Variants in ZSCAN5A observed in about 807,000 individuals in gnomAD.
ZSCAN5A encodes the protein zinc finger and SCAN domain-containing protein 5A.
A neutral mutation model predicts 23.7 loss-of-function variants in ZSCAN5A; 12 were observed. The observed-to-expected ratio is 0.51, with a 90% confidence interval of 0.32 to 0.82. The LOEUF (loss-of-function observed/expected upper bound fraction) is 0.82, where lower values mean the gene tolerates loss of function less well. ZSCAN5A is among the 40% of genes least tolerant of loss of function. The pLI is 0.03. For synonymous variants in ZSCAN5A, 257 were observed against 239.9 expected (o/e 1.07, Z -0.66); for missense variants, 597 against 617.9 (o/e 0.97, Z 0.36).
chr19:56,278,911 G>C (rs914466741), intron 2 of ZSCAN5A, among the ~76,000 whole-genome samples: 2 of 152,106 alleles, frequency 1.3e-5, no homozygotes, highest in African/African-American at 4.8e-5. Flanking sequence ...GCTTCAGCTG[G>C]GCCTCCATCC....
At chr19:56,275,826 A>G (rs1257188359) in intron 2 of ZSCAN5A, among the ~76,000 whole-genome samples, 1 of 152,238 alleles carries the variant, frequency 6.6e-6, no homozygotes, top group Admixed American at 6.5e-5. Context: ...TGCGTCTCCA[A>G]CACCAAACAT....
chr19:56,314,722 G>A lies in ZSCAN5A; in HGVS notation c.-271C>T, dbSNP rs1428123781. 6.6e-6 allele frequency: 1 copy of A among 152,308 alleles called. No homozygotes were observed. Among genetic ancestry groups the A allele is most frequent in the Non-Finnish European group, 1.5e-5 (1 of 68,070 alleles). 9.4% of individuals were successfully genotyped at this position (152,308 alleles called of 1,614,324 possible). A position where few individuals can be genotyped will look rare whatever the true frequency, so the allele number is the denominator to read the frequency against. On this transcript the variant is annotated 5_prime_UTR_variant, in exon 1 of 6. Coordinates refer to ENST00000683990, the MANE Select transcript of ZSCAN5A (RefSeq NM_001322064.3). ...CACTCAGAAACGTCTACTAGTGACG[G>A]TCAAGCCACCTACAACCGGTCCCAA...
In ZSCAN5A at chr19:56,303,512, A is replaced by AGGAG. The variant is rs776776713; in HGVS notation, c.-128+9767_-128+9770dup. ...AAAAAAAAAGAAGGAAAGGAAGGAA[A>AGGAG]GGAGGGAGGGAGGGAGGGAGGCAAG... is the stretch of plus-strand genomic sequence containing the variant. On this transcript the variant is annotated intron_variant, in intron 2 of 5. Coordinates refer to ENST00000683990, the MANE Select transcript of ZSCAN5A (RefSeq NM_001322064.3). 9.2e-4 allele frequency among the ~76,000 whole-genome samples: 122 copies of AGGAG among 133,046 alleles called. 1 individual carries two copies. The highest frequency in any genetic ancestry group is 1.5e-3 in the Admixed American group (20 of 13,186). 87.3% of individuals were successfully genotyped at this position (133,046 alleles called of 152,430 possible). A position where few individuals can be genotyped will look rare whatever the true frequency, so the allele number is the denominator to read the frequency against.
intron 2 of ZSCAN5A, chr19:56,243,929 C>T (rs1251372618): frequency 3.6e-6 from 2 of 555,620 alleles, no homozygotes; most frequent in Non-Finnish European, 6.4e-6. Flanking sequence ...GACTTCTGAA[C>T]AGTGAATCTA....
intron 2 of ZSCAN5A, among the ~76,000 whole-genome samples, chr19:56,345,403 CCTT>C (rs958449443): frequency 6.6e-6 from 1 of 152,136 alleles, no homozygotes; most frequent in Non-Finnish European, 1.5e-5. Flanking sequence ...TTCACAAAAA[CCTT>C]CTTTTTTGCT....
intron 2 of ZSCAN5A, among the ~76,000 whole-genome samples, chr19:56,227,406 G>A (rs943080663): frequency 4.1e-4 from 63 of 152,342 alleles, no homozygotes; most frequent in African/African-American, 1.5e-3. Context: ...GCCAGAGGGC[G>A]CCTGCTGCTG....
chr19:56,312,595 G>A (rs1224896826), intron 2 of ZSCAN5A: 1 of 152,230 alleles, frequency 6.6e-6, no homozygotes, highest in African/African-American at 2.4e-5. Flanking sequence ...GGGGAAATGT[G>A]AATAAAGTCT....
At chr19:56,282,116 G>T (rs928234629) in intron 2 of ZSCAN5A, among the ~76,000 whole-genome samples, 1 of 152,174 alleles carries the variant, frequency 6.6e-6, no homozygotes. Context: ...ATGGTACAGG[G>T]TGGGTAAGAC....
rs1272886836 is a variant in ZSCAN5A, at chr19:56,223,512, C to T, written c.588+119G>A. 7 of 1,033,150 alleles carry T rather than the reference C, an allele frequency of 6.8e-6. No individual in the cohort carries two copies. The African/African-American group carries it at 9.7e-5, about 14-fold the overall frequency. The allele number at this position is 1,033,150 out of a possible 1,614,324, so 64.0% of individuals were successfully genotyped here. ...TGAATGTTTGGGGATGTATCATGTC[C>T]ATGGGGAATGGCTCTAATCTTGTCC... On this transcript the variant is annotated intron_variant, in intron 4 of 5. Coordinates refer to ENST00000683990, the MANE Select transcript of ZSCAN5A (RefSeq NM_001322064.3).
rs61646242 is a variant in ZSCAN5A, at chr19:56,328,994, CA to C, written c.-357-12727del. The stretch of plus-strand genomic sequence containing the variant: ...TGGGCGACAGAGCGAGACTCCGTCT[CA>C]AAAAAAAAAAAAAATAAATAAATAA... On this transcript the variant is annotated intron_variant, in intron 2 of 6. Transcript: ENST00000587340. Among the ~76,000 whole-genome samples, 609 of 106,384 alleles carry C rather than the reference CA, an allele frequency of 5.7e-3. 1 individual carries two copies. Among genetic ancestry groups the C allele is most frequent in the Middle Eastern group, 0.012 (2 of 170 alleles). The allele number at this position is 106,384 out of a possible 152,430, so 69.8% of individuals were successfully genotyped here.
intron 2 of ZSCAN5A, among the ~76,000 whole-genome samples, chr19:56,293,395 C>A (rs78457004): frequency 0.042 from 6,330 of 152,250 alleles, 172 homozygotes; most frequent in South Asian, 0.08. Context: ...GTGTTCAAAG[C>A]GGCTCAGACT....
chr19:56,321,567 C>G, intron 2 of ZSCAN5A: 2 of 767,696 alleles, frequency 2.6e-6, no homozygotes, highest in Non-Finnish European at 4.9e-6. Flanking sequence ...AAGCTCACTA[C>G]CTCCCTGTCA....
At chr19:56,338,313 T>G (rs975793878) in intron 2 of ZSCAN5A, 2 of 152,048 alleles carry the variant, frequency 1.3e-5, no homozygotes, top group African/African-American at 4.8e-5. Context: ...AGCTTCTTCT[T>G]TAGGCATTGA....
At chr19:56,366,900 C>T (rs2041770907) in intron 1 of ZSCAN5A, among the ~76,000 whole-genome samples, 1 of 152,158 alleles carries the variant, frequency 6.6e-6, no homozygotes, top group Non-Finnish European at 1.5e-5. Context: ...TTACCAAGTA[C>T]ATCATATTCA....
At chr19:56,307,959 C>T (rs900145289) in intron 2 of ZSCAN5A, among the ~76,000 whole-genome samples, 2 of 152,254 alleles carry the variant, frequency 1.3e-5, no homozygotes, top group South Asian at 2.1e-4. Context: ...GGTTCTCAGG[C>T]TCCAAGCTCC....
rs1309448558 is a variant in ZSCAN5A, at chr19:56,352,980, G to A, written c.-358+10255C>T. 6.6e-6 allele frequency among the ~76,000 whole-genome samples: 1 copy of A among 152,210 alleles called. No individual in the cohort carries two copies. Among genetic ancestry groups the A allele is most frequent in the Non-Finnish European group, 1.5e-5 (1 of 68,032 alleles). ...GGGGAAGAGGGCTGTCCTGTGCATT[G>A]TAGGATGTTTAGCTGCATCCCTGGC... is the stretch of plus-strand genomic sequence containing the variant. On this transcript the variant is annotated intron_variant, in intron 2 of 6. Coordinates refer to the ZSCAN5A transcript ENST00000587340. The surrounding 1 kb of genome is among the most constrained non-coding windows in gnomAD (Gnocchi z 4.2).
intron 2 of ZSCAN5A, among the ~76,000 whole-genome samples, chr19:56,334,682 C>T (rs887210172): frequency 1.3e-5 from 2 of 152,166 alleles, no homozygotes; most frequent in African/African-American, 4.8e-5. Flanking sequence ...GGTGATACCT[C>T]CAGGTACTGG....
chr19:56,351,022 G>C lies in ZSCAN5A; in HGVS notation c.-358+12213C>G, dbSNP rs1480041721. Among the ~76,000 whole-genome samples the C allele has an allele frequency of 2.0e-5, 3 of 151,820 alleles. No individual in the cohort carries two copies. Among genetic ancestry groups the C allele is most frequent in the African/African-American group, 7.3e-5 (3 of 41,282 alleles). The stretch of plus-strand genomic sequence containing the variant: ...CCCAACCACACGCCCCTTTTCAGCA[G>C]ACAGTACCCAGAAAGAATCATCATC... On this transcript the variant is annotated intron_variant, in intron 2 of 6. Coordinates refer to the ZSCAN5A transcript ENST00000587340. The surrounding 1 kb of genome is among the most constrained non-coding windows in gnomAD (Gnocchi z 4.8).
chr19:56,281,698 T>G (rs1390013660), intron 2 of ZSCAN5A: 1 of 985,396 alleles, frequency 1.0e-6, no homozygotes, highest in Non-Finnish European at 1.2e-6. Flanking sequence ...TCCAGTCAAC[T>G]GTAAGTCATA....
Sources: gnomAD v4.1 joint callset for allele counts (sites outside exome capture counted in the v4.1 genomes callset) on GRCh38, gnomAD v4.1.1 for gene constraint, Gnocchi (gnomAD v3.1) non-coding constraint, MANE v1.5 for transcripts, NCBI Gene and HGNC (gene_info 2026-07-23, HGNC 2026-07-21) for gene names.